Variants in MGAT5 observed in about 807,000 individuals in gnomAD.
MGAT5 encodes alpha-1,6-mannosylglycoprotein 6-beta-N-acetylglucosaminyltransferase A.
MGAT5 carries 30 observed loss-of-function variants against 94.3 expected under a neutral mutation model. That is an observed-to-expected ratio of 0.32 (90% CI 0.24 to 0.43). The LOEUF is 0.43. Ranked by LOEUF, MGAT5 falls within the 20% of genes least tolerant of loss-of-function variation. The pLI is 1.00. For missense variants in MGAT5, 691 were observed against 905.5 expected, an observed-to-expected ratio of 0.76 and a Z score of 3.04; for synonymous variants, 310 against 322.9, an observed-to-expected ratio of 0.96 and a Z score of 0.43.
intron 7 of MGAT5, 90 bp downstream of exon 7, chr2:134,341,849 T>C (rs1347128269): frequency 1.7e-6 from 2 of 1,182,008 alleles, no homozygotes; most frequent in Non-Finnish European, 2.3e-6. Context: ...GTATAATTTT[T>C]TGTCGAGGAA....
intron 12 of MGAT5, among the ~76,000 whole-genome samples, chr2:134,419,299 CA>C (rs1684147566): frequency 1.3e-5 from 2 of 152,248 alleles, no homozygotes; most frequent in South Asian, 4.2e-4. Context: ...AAAAGTTCCG[CA>C]AGGCCTTAAG....
chr2:134,127,456 C>T (rs1384494317), intron 1 of MGAT5, among the ~76,000 whole-genome samples: 2 of 151,802 alleles, frequency 1.3e-5, no homozygotes, highest in Non-Finnish European at 1.5e-5. Context: ...TCCTCCTTTG[C>T]AATTCTTATG....
chr2:134,199,445 G>A (rs905879650), intron 1 of MGAT5, among the ~76,000 whole-genome samples: 1 of 152,048 alleles, frequency 6.6e-6, no homozygotes, highest in Non-Finnish European at 1.5e-5. Context: ...CTCTGGTGGA[G>A]GCTGAAATTT....
chr2:134,431,534 A>AT (rs943902477), intron 14 of MGAT5, among the ~76,000 whole-genome samples: 2 of 152,074 alleles, frequency 1.3e-5, no homozygotes, highest in African/African-American at 4.8e-5. Context: ...AGTATTCATT[A>AT]TTTTTTGCAG....
intron 1 of MGAT5, among the ~76,000 whole-genome samples, chr2:134,208,972 G>A (rs1382022062): frequency 6.6e-6 from 1 of 152,126 alleles, no homozygotes; most frequent in Non-Finnish European, 1.5e-5. Flanking sequence ...TGGGAGCAGG[G>A]TTTCCTGGTG....
At chr2:134,260,875 A>G (rs1361095923) in intron 1 of MGAT5, among the ~76,000 whole-genome samples, 1 of 151,994 alleles carries the variant, frequency 6.6e-6, no homozygotes, top group Admixed American at 6.6e-5. Context: ...TAGTTACTGT[A>G]TGGTGACGTG....
At chr2:134,194,270 C>T (rs372205818) in intron 1 of MGAT5, among the ~76,000 whole-genome samples, 2 of 152,016 alleles carry the variant, frequency 1.3e-5, no homozygotes, top group Non-Finnish European at 1.5e-5. Flanking sequence ...AATTTCTTCT[C>T]GGAGCTATCT....
At chr2:134,354,474 A>G (rs1444698932) in intron 9 of MGAT5, among the ~76,000 whole-genome samples, 3 of 152,226 alleles carry the variant, frequency 2.0e-5, no homozygotes, top group African/African-American at 7.2e-5. Flanking sequence ...GAAATGAAAT[A>G]CGCTGGACCG....
chr2:134,270,618 G>C (rs1573663024), intron 2 of MGAT5, 68 bp downstream of exon 2: 4 of 1,498,124 alleles, frequency 2.7e-6, no homozygotes, highest in Non-Finnish European at 3.6e-6. Context: ...GAGAATAAAG[G>C]AGAGCAGTGG....
chr2:134,205,494 T>C (rs1316337009), intron 1 of MGAT5, among the ~76,000 whole-genome samples: 2 of 152,080 alleles, frequency 1.3e-5, no homozygotes, highest in Non-Finnish European at 2.9e-5. Context: ...GGCTTAAGGG[T>C]CTTGCTGGAG....
At position 134,169,136 on chromosome 2, in the gene MGAT5, G is replaced by C. The variant is rs1688081864; in HGVS notation, c.-143+48845G>C. Among the ~76,000 whole-genome samples the C allele has an allele frequency of 2.0e-5, 3 of 152,268 alleles. No homozygotes were observed. The South Asian group carries it at 6.2e-4, about 32-fold the overall frequency. On this transcript the variant is annotated intron_variant, in intron 1 of 16. Coordinates refer to the MGAT5 transcript ENST00000409645. ...GGGCAAAGAGACAATGCAGGTTTCTGGTAGAATGCTGTGGTAGAGTAAGAA... is the reference window on the plus strand; with the variant it reads ...GGGCAAAGAGACAATGCAGGTTTCTCGTAGAATGCTGTGGTAGAGTAAGAA...
At chr2:134,155,126 G>A (rs1687415238) in intron 1 of MGAT5, among the ~76,000 whole-genome samples, 1 of 152,190 alleles carries the variant, frequency 6.6e-6, no homozygotes, top group Admixed American at 6.5e-5. Flanking sequence ...TCATGGTCAG[G>A]AGTTTGGCAC....
chr2:134,388,793 G>T lies in MGAT5; in HGVS notation c.1381-14195G>T, dbSNP rs968224315. 7.9e-5 allele frequency among the ~76,000 whole-genome samples: 12 copies of T among 151,920 alleles called. No individual in the cohort carries two copies. In the East Asian group the frequency reaches 2.3e-3, roughly 29 times the overall value. ...GGGGTGGGGGGGTGGTCGGAGTCTC[G>T]CTCTGTTGCCCAAACTGGAGTGCAG... On this transcript the variant is annotated intron_variant, in intron 10 of 15. Coordinates refer to ENST00000281923, the MANE Select transcript of MGAT5 (RefSeq NM_002410.5).
intron 9 of MGAT5, among the ~76,000 whole-genome samples, chr2:134,362,003 C>T (rs1041692344): frequency 6.6e-6 from 1 of 152,144 alleles, no homozygotes; most frequent in African/African-American, 2.4e-5. Flanking sequence ...AGAGAGTACA[C>T]AGCTTAATGA....
At chr2:134,175,922 C>T (rs989954578) in intron 1 of MGAT5, among the ~76,000 whole-genome samples, 3 of 152,156 alleles carry the variant, frequency 2.0e-5, no homozygotes, top group Admixed American at 1.3e-4. Flanking sequence ...CAGGTTTCTC[C>T]TTCTTTCTTT....
chr2:134,141,025 C>T (rs960975444), intron 1 of MGAT5, among the ~76,000 whole-genome samples: 4 of 152,152 alleles, frequency 2.6e-5, no homozygotes, highest in East Asian at 1.9e-4. Context: ...CCTTTAAAAA[C>T]GGGAAGATCA....
intron 2 of MGAT5, among the ~76,000 whole-genome samples, chr2:134,297,291 C>T (rs975334684): frequency 6.6e-6 from 1 of 151,680 alleles, no homozygotes; most frequent in Non-Finnish European, 1.5e-5. Flanking sequence ...AACCCATGCT[C>T]AGATGGCTTC....
At chr2:134,306,508 G>T (rs779789676) in intron 2 of MGAT5, among the ~76,000 whole-genome samples, 1 of 152,126 alleles carries the variant, frequency 6.6e-6, no homozygotes, top group Non-Finnish European at 1.5e-5. Flanking sequence ...TATACAATAG[G>T]ACGAGTATAT....
chr2:134,189,010 G>A (rs561360686), intron 1 of MGAT5, among the ~76,000 whole-genome samples: 6 of 152,350 alleles, frequency 3.9e-5, no homozygotes, highest in South Asian at 2.1e-4. Context: ...GGAGGGTCGC[G>A]AATGCAGAGC....
Sources: gnomAD v4.1 joint callset for allele counts (sites outside exome capture counted in the v4.1 genomes callset) on GRCh38, gnomAD v4.1.1 for gene constraint, MANE v1.5 for transcripts, NCBI Gene and HGNC (gene_info 2026-07-23, HGNC 2026-07-21) for gene names.